The following TMC1 variants were observed in gnomAD, a reference collection of about 807,000 sequenced individuals.
TMC1 encodes the protein transmembrane channel like 1.
TMC1 carries 84 observed loss-of-function variants against 105.8 expected under a neutral mutation model. The ratio of observed to expected loss-of-function variants is 0.79; its 90% CI spans 0.67 to 0.95. The LOEUF is 0.95. Ranked by LOEUF, TMC1 falls within the 40% of genes least tolerant of loss-of-function variation. The pLI is 0.00. For missense variants in TMC1, 817 were observed against 914.1 expected (o/e 0.89, Z 1.37); for synonymous variants, 315 against 311.5 (o/e 1.01, Z -0.12).
chr9:72,816,045 G>A (rs957508736), intron 18 of TMC1, 98 bp from the exon 19 acceptor site: 15 of 978,192 alleles, frequency 1.5e-5, no homozygotes, highest in Non-Finnish European at 2.2e-5. Flanking sequence ...TTGCTGAAGG[G>A]AAGTAATTGA....
intron 1 of TMC1, among the ~76,000 whole-genome samples, chr9:72,532,517 GACA>G (rs1402917338): frequency 9.2e-6 from 1 of 108,818 alleles, no homozygotes; most frequent in Non-Finnish European, 1.7e-5. Flanking sequence ...CTCCAGCCTG[GACA>G]ACAAGAGCGA....
At chr9:72,745,893 A>C (rs1209116106) in intron 10 of TMC1, among the ~76,000 whole-genome samples, 3 of 152,186 alleles carry the variant, frequency 2.0e-5, no homozygotes, top group African/African-American at 7.2e-5. Flanking sequence ...TCTTGGGTTT[A>C]ACTAGTCACT....
chr9:72,594,838 A>T (rs369216778), intron 2 of TMC1, among the ~76,000 whole-genome samples: 57 of 150,430 alleles, frequency 3.8e-4, no homozygotes, highest in African/African-American at 1.3e-3. Flanking sequence ...CCTGCCTCAC[A>T]ATGTGCAGCT....
intron 12 of TMC1, among the ~76,000 whole-genome samples, chr9:72,761,288 C>T (rs1175033749): frequency 1.3e-5 from 2 of 152,058 alleles, no homozygotes; most frequent in Non-Finnish European, 2.9e-5. Context: ...AAAGGCTACA[C>T]AGTTTTAATA....
chr9:72,807,269 G>A (rs1828620972), intron 18 of TMC1, among the ~76,000 whole-genome samples: 3 of 152,128 alleles, frequency 2.0e-5, no homozygotes, highest in Admixed American at 1.3e-4. Context: ...GAGACCATGG[G>A]GAGAGGGAGA....
chr9:72,797,593 A>G (rs1208868632), intron 17 of TMC1, among the ~76,000 whole-genome samples: 1 of 152,202 alleles, frequency 6.6e-6, no homozygotes, highest in East Asian at 1.9e-4. Flanking sequence ...ATCTTTGACA[A>G]ACCTGACAAA....
intron 2 of TMC1, among the ~76,000 whole-genome samples, chr9:72,609,673 T>C (rs1456567006): frequency 1.3e-5 from 2 of 152,224 alleles, no homozygotes; most frequent in African/African-American, 2.4e-5. Flanking sequence ...TGGGAACCTT[T>C]ATACATCAAT....
chr9:72,591,749 T>C (rs1824642347), intron 2 of TMC1, among the ~76,000 whole-genome samples: 1 of 152,078 alleles, frequency 6.6e-6, no homozygotes, highest in African/African-American at 2.4e-5. Context: ...TGTTTGTTTT[T>C]AATAGAGACA....
intron 8 of TMC1, among the ~76,000 whole-genome samples, chr9:72,713,876 A>G (rs1217003543): frequency 6.6e-6 from 1 of 151,608 alleles, no homozygotes; most frequent in East Asian, 1.9e-4. Context: ...TCGATTTTAG[A>G]TCTTTCTTTC....
chr9:72,681,465 G>A (rs1826285117), intron 5 of TMC1, among the ~76,000 whole-genome samples: 1 of 151,910 alleles, frequency 6.6e-6, no homozygotes, highest in Admixed American at 6.6e-5. Flanking sequence ...GTAGACTGAT[G>A]GTGTCGTGAA....
intron 1 of TMC1, among the ~76,000 whole-genome samples, chr9:72,572,869 G>T (rs972312192): frequency 2.0e-5 from 3 of 151,954 alleles, no homozygotes; most frequent in African/African-American, 7.3e-5. Context: ...GTGGGTGCTT[G>T]TAATACCAGA....
In TMC1 at chr9:72,820,927, A is replaced by C. The variant is rs780400544; in HGVS notation, c.1849A>C (p.Met617Leu). The change falls in exon 20 of 24, where the codon ATG becomes CTG. Residue 617 changes from methionine to leucine, a missense_variant. Transcript: ENST00000297784. ...TSMYFQCWAV[M>L]CCNVPEARVF... ...CATGTACTTCCAGTGCTGGGCCGTT[A>C]TGTGCTGCAATGTTCCTGAGGCCAG... 6.2e-7 allele frequency: 1 copy of C among 1,613,946 alleles called. No homozygotes were observed. Among genetic ancestry groups the C allele is most frequent in the Admixed American group, 1.7e-5 (1 of 59,990 alleles).
At chr9:72,614,184 ATTGT>A (rs1825083566) in intron 2 of TMC1, among the ~76,000 whole-genome samples, 1 of 152,098 alleles carries the variant, frequency 6.6e-6, no homozygotes, top group African/African-American at 2.4e-5. Flanking sequence ...ACCCCCACAC[ATTGT>A]TTGTTTGTGT....
At chr9:72,550,977 G>C (rs776192282) in intron 1 of TMC1, among the ~76,000 whole-genome samples, 9 of 152,162 alleles carry the variant, frequency 5.9e-5, no homozygotes, top group Non-Finnish European at 1.2e-4. Context: ...TGGAATGATG[G>C]GAGTTGAGAT....
At chr9:72,735,493 A>T (rs1250615943) in intron 8 of TMC1, among the ~76,000 whole-genome samples, 1 of 152,210 alleles carries the variant, frequency 6.6e-6, no homozygotes, top group Non-Finnish European at 1.5e-5. Flanking sequence ...AGATTCTGCT[A>T]TCTGTCATGG....
At chr9:72,723,721 A>G (rs941867456) in intron 8 of TMC1, among the ~76,000 whole-genome samples, 5 of 152,158 alleles carry the variant, frequency 3.3e-5, no homozygotes, top group Non-Finnish European at 5.9e-5. Flanking sequence ...AACGTTCTCA[A>G]TTGTTAGGGA....
intron 12 of TMC1, among the ~76,000 whole-genome samples, chr9:72,772,088 C>T (rs187574788): frequency 6.6e-6 from 1 of 152,246 alleles, no homozygotes; most frequent in East Asian, 1.9e-4. Flanking sequence ...CTCTTAAAAT[C>T]GTAAATCTAA....
intron 4 of TMC1, among the ~76,000 whole-genome samples, chr9:72,631,574 A>G (rs900074825): frequency 6.6e-6 from 1 of 152,222 alleles, no homozygotes; most frequent in African/African-American, 2.4e-5. Context: ...TGCAAACTAT[A>G]TCTCTCAGAG....
chr9:72,751,717 A>G (rs1487972327), intron 10 of TMC1, 133 bp from the exon 11 acceptor site: 5 of 684,776 alleles, frequency 7.3e-6, no homozygotes, highest in African/African-American at 1.8e-5. Context: ...AAAGAATGCT[A>G]TAGCCTATAA....
Sources: allele counts gnomAD v4.1 joint callset (sites outside exome capture counted in the v4.1 genomes callset), GRCh38; gene constraint gnomAD v4.1.1; transcripts MANE v1.5; gene names NCBI Gene and HGNC (gene_info 2026-07-23, HGNC 2026-07-21).